The following PACC1 variants were observed in gnomAD, a reference collection of about 807,000 sequenced individuals.
PACC1 encodes proton-activated chloride channel.
In PACC1, 34 loss-of-function variants were observed where a neutral mutation model predicts 39.7. The observed-to-expected ratio is 0.86, with a 90% CI of 0.65 to 1.14. The LOEUF is 1.14. Ranked by LOEUF, PACC1 falls within the 50% of genes most tolerant of loss-of-function variation. The pLI is 0.00. For missense variants in PACC1, 379 were observed against 436.4 expected (o/e 0.87, Z 1.17); for synonymous variants, 127 against 160.6 (o/e 0.79, Z 1.58).
intron 2 of PACC1, 79 bp from the exon 3 acceptor site, chr1:212,387,179 T>C: frequency 6.9e-7 from 1 of 1,454,582 alleles, no homozygotes; most frequent in South Asian, 1.2e-5. Flanking sequence ...CTCCAGGCCC[T>C]TGCCTGCCTC....
Position 212,414,841 on chromosome 1 carries a change from C to G in PACC1, c.-84G>C. ...AGCACTGCGGCCGCTGCACCTGGAC[C>G]TACCGGCTCCGCGAGGCGAAACCGG... On this transcript the variant is annotated 5_prime_UTR_variant, in exon 1 of 8. Transcript: ENST00000261455. 6.4e-7 allele frequency: 1 copy of G among 1,567,250 alleles called. No homozygotes were observed. The highest frequency in any genetic ancestry group is 1.1e-5 in the South Asian group (1 of 89,116).
chr1:212,369,540 G>C (rs965795007), intron 7 of PACC1, among the ~76,000 whole-genome samples: 2 of 152,172 alleles, frequency 1.3e-5, no homozygotes, highest in East Asian at 3.8e-4. Flanking sequence ...CAGCACTTTG[G>C]GAGGCCAAGG....
At chr1:212,367,579 A>T (rs1279240995) in intron 7 of PACC1, among the ~76,000 whole-genome samples, 1 of 152,198 alleles carries the variant, frequency 6.6e-6, no homozygotes, top group Non-Finnish European at 1.5e-5. Context: ...TTTCAGTGGC[A>T]GCCAGGCCAT....
chr1:212,393,316 C>T (rs1008053058), intron 2 of PACC1, among the ~76,000 whole-genome samples: 3 of 152,222 alleles, frequency 2.0e-5, no homozygotes, highest in African/African-American at 4.8e-5. Flanking sequence ...GGAAACTGAA[C>T]AACCTGCTCC....
chr1:212,381,997 A>G (rs1421429708), intron 4 of PACC1, among the ~76,000 whole-genome samples: 1 of 151,454 alleles, frequency 6.6e-6, no homozygotes, highest in Admixed American at 6.6e-5. Context: ...AGCTTAGCCT[A>G]TACTCTGACT....
In PACC1 at chr1:212,385,294, G is replaced by T. The variant is rs913093533; in HGVS notation, c.475C>A (p.Pro159Thr). ...ATTACCACAGTCTGATTGGAGAAGG[G>T]GTCCGTGTAGTTGATCCTCTGGGTG... ...CTTQRINYTD[P>T]FSNQTVKSAL... Residue 159 changes from proline (P) to threonine (T), a missense_variant, in exon 4 of 8, where the codon CCC (proline) becomes ACC (threonine). By Grantham distance (38) the Pro-to-Thr change is conservative (BLOSUM62 -1). Transcript: ENST00000261455. 2 of 1,614,048 alleles carry T rather than the reference G, an allele frequency of 1.2e-6. No individual in the cohort carries two copies. Among genetic ancestry groups the T allele is most frequent in the Non-Finnish European group, 8.5e-7 (1 of 1,180,014 alleles).
intron 2 of PACC1, among the ~76,000 whole-genome samples, chr1:212,401,647 T>C (rs1299551659): frequency 7.0e-6 from 1 of 142,286 alleles, no homozygotes; most frequent in Non-Finnish European, 1.5e-5. Flanking sequence ...AAAAAAAAAT[T>C]TATCCAAGTT....
At chr1:212,411,055 T>C (rs1662109891) in intron 1 of PACC1, among the ~76,000 whole-genome samples, 1 of 152,236 alleles carries the variant, frequency 6.6e-6, no homozygotes, top group South Asian at 2.1e-4. Context: ...TGACCTCATC[T>C]TCACTAATTA....
intron 7 of PACC1, among the ~76,000 whole-genome samples, chr1:212,372,138 AG>A (rs1660481054): frequency 6.6e-6 from 1 of 152,076 alleles, no homozygotes; most frequent in Non-Finnish European, 1.5e-5. Context: ...TACAAAAATT[AG>A]CTGGGCATGG....
intron 2 of PACC1, among the ~76,000 whole-genome samples, chr1:212,397,082 A>T (rs1165269192): frequency 3.9e-5 from 6 of 152,198 alleles, no homozygotes; most frequent in Admixed American, 2.0e-4. Flanking sequence ...TGCTAAGAAA[A>T]ATTCTGAAAG....
chr1:212,414,834 C>T lies in PACC1; in HGVS notation c.-77G>A. 17 of 1,574,858 alleles carry T rather than the reference C, an allele frequency of 1.1e-5. No individual in the cohort carries two copies. The highest frequency in any genetic ancestry group is 1.3e-5 in the Non-Finnish European group (15 of 1,149,752). On this transcript the variant is annotated 5_prime_UTR_variant, in exon 1 of 8. The change creates a new upstream start codon in the 5' untranslated region. Transcript: ENST00000261455. The stretch of plus-strand genomic sequence containing the variant: ...CGGACGCAGCACTGCGGCCGCTGCA[C>T]CTGGACCTACCGGCTCCGCGAGGCG...
At chr1:212,409,283 G>A (rs538746961) in intron 2 of PACC1, among the ~76,000 whole-genome samples, 3 of 152,270 alleles carry the variant, frequency 2.0e-5, no homozygotes, top group East Asian at 1.9e-4. Context: ...GGAGAGGCGC[G>A]TGGACTATGA....
At chr1:212,408,200 T>C (rs1351737594) in intron 2 of PACC1, among the ~76,000 whole-genome samples, 2 of 151,966 alleles carry the variant, frequency 1.3e-5, no homozygotes, top group South Asian at 2.1e-4. Context: ...TCCCTGAGGT[T>C]GGGGGCCTCA....
chr1:212,385,653 G>A (rs1558172137), intron 3 of PACC1, among the ~76,000 whole-genome samples: 1 of 152,174 alleles, frequency 6.6e-6, no homozygotes, highest in Non-Finnish European at 1.5e-5. Context: ...GCCAACCTGG[G>A]ATCCAGCCGC....
chr1:212,369,840 A>G (rs1660381363), intron 7 of PACC1, among the ~76,000 whole-genome samples: 1 of 152,146 alleles, frequency 6.6e-6, no homozygotes, highest in Admixed American at 6.5e-5. Context: ...AATGTAAATA[A>G]AAAAACAGGT....
rs1660164452 is a variant in PACC1 at position 212,364,581 on chromosome 1, C to T, written c.*634G>A. The stretch of plus-strand genomic sequence containing the variant: ...TAGTGCTTTTGAGTGTTAATCTAAA[C>T]TCATACATCAACAAACATTCTAGCC... On this transcript the variant is annotated 3_prime_UTR_variant, in exon 8 of 8. Coordinates refer to ENST00000261455, the MANE Select transcript of PACC1 (RefSeq NM_018252.3). 6.6e-6 allele frequency: 1 copy of T among 152,638 alleles called. No individual in the cohort carries two copies. The highest frequency in any genetic ancestry group is 2.1e-4 in the South Asian group (1 of 4,832). The allele number at this position is 152,638 out of a possible 1,614,324, so 9.5% of individuals were successfully genotyped here.
chr1:212,396,466 T>C (rs1661521453), intron 2 of PACC1, among the ~76,000 whole-genome samples: 2 of 151,958 alleles, frequency 1.3e-5, no homozygotes, highest in African/African-American at 4.8e-5. Context: ...GGGATAGCAT[T>C]AGGAGATATA....
chr1:212,396,742 C>G (rs1661535840), intron 2 of PACC1, among the ~76,000 whole-genome samples: 1 of 137,228 alleles, frequency 7.3e-6, no homozygotes, highest in Non-Finnish European at 1.6e-5. Flanking sequence ...AAATAATAAT[C>G]AAAGTGCTAA....
At chr1:212,381,502 A>G (rs187718926) in intron 4 of PACC1, among the ~76,000 whole-genome samples, 40 of 152,058 alleles carry the variant, frequency 2.6e-4, no homozygotes, top group Non-Finnish European at 1.0e-4. Context: ...GGCTTTCCCA[A>G]CCCAGATTTC....
Sources: allele counts gnomAD v4.1 joint callset (sites outside exome capture counted in the v4.1 genomes callset), GRCh38; gene constraint gnomAD v4.1.1; transcripts MANE v1.5; gene names NCBI Gene and HGNC (gene_info 2026-07-23, HGNC 2026-07-21).